Variants in TTC7A observed in about 807,000 individuals in gnomAD.
TTC7A encodes the protein tetratricopeptide repeat protein 7A.
A neutral mutation model predicts 103.7 loss-of-function variants in TTC7A; 110 were observed. The ratio of observed to expected loss-of-function variants is 1.06; its 90% CI spans 0.91 to 1.24. The LOEUF (loss-of-function observed/expected upper bound fraction) is 1.24. TTC7A is among the 50% of genes most tolerant of loss of function. TTC7A has a pLI of 0.00. For missense variants in TTC7A, 1,340 were observed against 1,116.3 expected (o/e 1.20, Z -2.86); for synonymous variants, 521 against 467.9 (o/e 1.11, Z -1.47).
rs374669143 is a variant in TTC7A at position 47,006,046 on chromosome 2, T to A, written c.1190T>A (p.Val397Asp). The change falls in exon 9 of 20, where the codon GTC becomes GAC. Residue 397 changes from valine (V) to aspartate (D), a missense_variant. Val to Asp is a radical substitution (Grantham distance 152). Transcript: ENST00000319190. Reference sequence around the variant, plus strand: ...ACGTTGGGCAGAAGGGGACAGTACGTCATGCTCTCGGAGGTACGGCCGGCC... The same window carrying A: ...ACGTTGGGCAGAAGGGGACAGTACGACATGCTCTCGGAGGTACGGCCGGCC... Reference protein sequence around the residue: ...SITLGRRGQYVMLSECLERAM... With the variant: ...SITLGRRGQYDMLSECLERAM... 1.1e-5 allele frequency: 18 copies of A among 1,613,518 alleles called. No homozygotes were observed. In the East Asian group the frequency reaches 3.3e-4, roughly 30 times the overall value.
chr2:46,942,454 G>A (rs1425948331), intron 1 of TTC7A, among the ~76,000 whole-genome samples: 2 of 152,208 alleles, frequency 1.3e-5, no homozygotes, highest in South Asian at 2.1e-4. Flanking sequence ...AGGCTTTGTG[G>A]AAGGAGGCAG....
chr2:47,060,271 G>C (rs1683656747), intron 18 of TTC7A, among the ~76,000 whole-genome samples: 1 of 152,182 alleles, frequency 6.6e-6, no homozygotes, highest in African/African-American at 2.4e-5. Flanking sequence ...TCAGGAGGCT[G>C]AGACAGGAAA....
intron 8 of TTC7A, among the ~76,000 whole-genome samples, chr2:46,998,719 G>C (rs891404589): frequency 5.9e-5 from 9 of 152,314 alleles, no homozygotes; most frequent in Admixed American, 2.6e-4. Flanking sequence ...AGGACATCCA[G>C]AGCAGCTGCT....
At chr2:46,987,809 C>CGCGTGTGTGTGTGT (rs1466713336) in intron 5 of TTC7A, among the ~76,000 whole-genome samples, 2 of 144,648 alleles carry the variant, frequency 1.4e-5, no homozygotes, top group East Asian at 2.0e-4. Context: ...CCTTTCCGCG[C>CGCGTGTGTGTGTGT]GTGTGTGTGT....
chr2:47,048,971 C>A (rs1431427435), intron 16 of TTC7A, among the ~76,000 whole-genome samples: 2 of 152,136 alleles, frequency 1.3e-5, no homozygotes, highest in Admixed American at 1.3e-4. Context: ...AGGAAGGGAG[C>A]CAGCCCTGAG....
At chr2:47,030,640 GCCTGGTCTGCAGCCCCAAGAC>G (rs1680428205) in intron 15 of TTC7A, among the ~76,000 whole-genome samples, 1 of 152,188 alleles carries the variant, frequency 6.6e-6, no homozygotes, top group South Asian at 2.1e-4. Flanking sequence ...CTGCTGGTCA[GCCTGGTCTGCAGCCCCAAGAC>G]CCTTGAGCCT....
intron 15 of TTC7A, among the ~76,000 whole-genome samples, chr2:47,035,888 C>T (rs983716646): frequency 6.6e-6 from 1 of 152,164 alleles, no homozygotes; most frequent in Non-Finnish European, 1.5e-5. Context: ...GGGAGATCTT[C>T]AGGTCCCTGG....
At chr2:46,954,964 T>C (rs1671721477) in intron 2 of TTC7A, among the ~76,000 whole-genome samples, 1 of 152,156 alleles carries the variant, frequency 6.6e-6, no homozygotes, top group African/African-American at 2.4e-5. Flanking sequence ...TGTTGTAAAC[T>C]GCCACTGGTC....
chr2:47,023,505 T>C, intron 13 of TTC7A, 40 bp downstream of exon 13: 1 of 1,604,718 alleles, frequency 6.2e-7, no homozygotes, highest in African/African-American at 1.3e-5. Flanking sequence ...CCCTCTTGCC[T>C]TTGGTGGCAG....
chr2:46,996,771 A>G (rs1247498822), intron 8 of TTC7A, among the ~76,000 whole-genome samples: 2 of 152,226 alleles, frequency 1.3e-5, no homozygotes, highest in Non-Finnish European at 2.9e-5. Context: ...TCTGATTTTC[A>G]TGGGAGAACA....
rs796293904 is a variant in TTC7A, at chr2:46,935,259, G to C, written c.83-15104G>C. 8.5e-5 allele frequency among the ~76,000 whole-genome samples: 13 copies of C among 152,056 alleles called. 1 individual carries two copies. The highest frequency in any genetic ancestry group is 3.1e-4 in the African/African-American group (13 of 41,476). On this transcript the variant is annotated intron_variant, in intron 2 of 20. Transcript: ENST00000409245. ...ATTACAAATGTGAGCCATGACAACTGTTCCTCCCCACACTCTTTCATCCTG... is the reference window on the plus strand; with the variant it reads ...ATTACAAATGTGAGCCATGACAACTCTTCCTCCCCACACTCTTTCATCCTG...
intron 2 of TTC7A, among the ~76,000 whole-genome samples, chr2:46,925,002 T>C (rs1669312895): frequency 6.6e-6 from 1 of 152,264 alleles, no homozygotes; most frequent in Non-Finnish European, 1.5e-5. Flanking sequence ...GCTTGGATAC[T>C]GAAGTAACTA....
At chr2:47,045,900 C>T (rs1013480654) in intron 15 of TTC7A, among the ~76,000 whole-genome samples, 2 of 152,192 alleles carry the variant, frequency 1.3e-5, no homozygotes, top group African/African-American at 4.8e-5. Flanking sequence ...AGGTCCCATG[C>T]TGGGCCCTGT....
Position 47,036,392 on chromosome 2 carries a change from A to G in TTC7A, c.1802+7008A>G, listed in dbSNP as rs76814072. On this transcript the variant is annotated intron_variant, in intron 15 of 19. Transcript: ENST00000319190. Reference sequence around the variant, plus strand: ...GGTGGAGGATCATCATGAGCCTTATAAGATTAGAGGACATGGGTCAGTCTA... The same window carrying G: ...GGTGGAGGATCATCATGAGCCTTATGAGATTAGAGGACATGGGTCAGTCTA... Among the ~76,000 whole-genome samples the G allele has an allele frequency of 2.3e-4, 35 of 152,354 alleles. No individual in the cohort carries two copies. The East Asian group carries it at 5.0e-3, about 22-fold the overall frequency.
At chr2:46,956,174 T>C (rs958571917) in intron 2 of TTC7A, among the ~76,000 whole-genome samples, 1 of 152,140 alleles carries the variant, frequency 6.6e-6, no homozygotes, top group Non-Finnish European at 1.5e-5. Flanking sequence ...GATTGAGATG[T>C]AAGCAACTTT....
At chr2:47,019,150 A>T (rs138418347) in intron 11 of TTC7A, among the ~76,000 whole-genome samples, 3 of 152,328 alleles carry the variant, frequency 2.0e-5, no homozygotes, top group Non-Finnish European at 2.9e-5. Flanking sequence ...ATATTGTCAT[A>T]CTTAATAGAA....
At chr2:46,972,525 C>A (rs1211089725) in intron 3 of TTC7A, among the ~76,000 whole-genome samples, 2 of 152,324 alleles carry the variant, frequency 1.3e-5, no homozygotes, top group East Asian at 3.9e-4. Flanking sequence ...TTAACAACCC[C>A]AGTGGAAAGA....
At position 47,007,548 on chromosome 2, in the gene TTC7A, A is replaced by T. The variant is rs1256589299; in HGVS notation, c.1287+824A>T. Among the ~76,000 whole-genome samples the T allele has an allele frequency of 6.6e-6, 1 of 151,914 alleles. No homozygotes were observed. Among genetic ancestry groups the T allele is most frequent in the African/African-American group, 2.4e-5 (1 of 41,348 alleles). Reference sequence around the variant, plus strand: ...AGGGAATTCCTCGCCCCCCTGGCCCATCTGTGCCACGTTCCATTTCTGGCC... The same window carrying T: ...AGGGAATTCCTCGCCCCCCTGGCCCTTCTGTGCCACGTTCCATTTCTGGCC... On this transcript the variant is annotated intron_variant, in intron 10 of 19. Coordinates refer to ENST00000319190, the MANE Select transcript of TTC7A (RefSeq NM_020458.4). This position sits in a 1 kb window ranked among gnomAD's most constrained non-coding sequence, Gnocchi z 4.9.
chr2:46,995,038 C>G, intron 7 of TTC7A, 98 bp from the exon 8 acceptor site: 2 of 1,110,916 alleles, frequency 1.8e-6, no homozygotes, highest in South Asian at 2.7e-5. Flanking sequence ...CCTTACCGAG[C>G]TGGTGCTGAC....
Sources: allele counts gnomAD v4.1 joint callset (sites outside exome capture counted in the v4.1 genomes callset), GRCh38; gene constraint gnomAD v4.1.1; non-coding constraint Gnocchi (gnomAD v3.1); transcripts MANE v1.5; gene names NCBI Gene and HGNC (gene_info 2026-07-23, HGNC 2026-07-21).